PANX1: variants seen among roughly 807,000 people sequenced by gnomAD.
PANX1 encodes pannexin 1, also known as pannexin-1.
In PANX1, 30 loss-of-function variants were observed where a neutral mutation model predicts 38.7. That is an observed-to-expected ratio of 0.78 (90% confidence interval 0.58 to 1.05). The LOEUF is 1.05. Among genes scored for constraint, PANX1 ranks in the 50% least tolerant of loss-of-function variants. The pLI, the probability that PANX1 is intolerant of heterozygous loss-of-function variation, is 0.00. For missense variants in PANX1, 551 were observed against 517.2 expected (o/e 1.07, Z -0.63); for synonymous variants, 230 against 212.2 (o/e 1.08, Z -0.73).
In PANX1 at chr11:94,164,050, T is replaced by C. The variant is rs1220320378; in HGVS notation, c.321+10420T>C. Reference sequence around the variant, plus strand: ...CTCATAATAGTCTTTAGTGATCCTTTGAATTTCTGTGGTATGAATGATAAT... The same window carrying C: ...CTCATAATAGTCTTTAGTGATCCTTCGAATTTCTGTGGTATGAATGATAAT... On this transcript the variant is annotated intron_variant, in intron 2 of 4. Coordinates refer to ENST00000227638, the MANE Select transcript of PANX1 (RefSeq NM_015368.4). 6.6e-5 allele frequency among the ~76,000 whole-genome samples: 10 copies of C among 152,128 alleles called. 1 individual carries two copies. Among genetic ancestry groups the C allele is most frequent in the Admixed American group, 2.0e-4 (3 of 15,282 alleles).
At chr11:94,159,968 T>C (rs148620293) in intron 2 of PANX1, among the ~76,000 whole-genome samples, 44,582 of 151,700 alleles carry the variant, frequency 0.29, 7,147 homozygotes, top group Admixed American at 0.39. Flanking sequence ...TTTATTTCTG[T>C]CTTCATTTCG....
intron 1 of PANX1, among the ~76,000 whole-genome samples, chr11:94,145,143 C>T (rs938389235): frequency 6.6e-6 from 1 of 152,100 alleles, no homozygotes; most frequent in Non-Finnish European, 1.5e-5. Flanking sequence ...TGAAGCAAGC[C>T]AAAGAGGACT....
intron 2 of PANX1, among the ~76,000 whole-genome samples, chr11:94,165,068 T>C (rs1471672238): frequency 6.6e-6 from 1 of 152,150 alleles, no homozygotes; most frequent in Non-Finnish European, 1.5e-5. Context: ...ATGTGTCTTA[T>C]AGGTGAAGTG....
At chr11:94,174,455 T>G (rs1262857404) in intron 2 of PANX1, among the ~76,000 whole-genome samples, 1 of 151,688 alleles carries the variant, frequency 6.6e-6, no homozygotes, top group Non-Finnish European at 1.5e-5. Flanking sequence ...AGGCTTTGTT[T>G]TATTTTATTG....
chr11:94,129,534 C>G (rs764492607), intron 1 of PANX1, 41 bp downstream of exon 1: 1 of 1,554,978 alleles, frequency 6.4e-7, no homozygotes, highest in Non-Finnish European at 8.8e-7. Flanking sequence ...CCGCCCCGGT[C>G]TGGCCCGGTG....
intron 1 of PANX1, among the ~76,000 whole-genome samples, chr11:94,136,796 G>A (rs907813897): frequency 3.9e-5 from 6 of 152,062 alleles, no homozygotes; most frequent in Non-Finnish European, 5.9e-5. Flanking sequence ...TTGATACATA[G>A]AAGTATTAGG....
chr11:94,136,000 A>G (rs921476587), intron 1 of PANX1, among the ~76,000 whole-genome samples: 1 of 152,156 alleles, frequency 6.6e-6, no homozygotes, highest in African/African-American at 2.4e-5. Flanking sequence ...GCAGTCCCCT[A>G]ATGATGGACA....
At chr11:94,178,876 A>G (rs531727312) in intron 3 of PANX1, among the ~76,000 whole-genome samples, 36 of 152,126 alleles carry the variant, frequency 2.4e-4, no homozygotes, top group Non-Finnish European at 4.3e-4. Context: ...TTGTAGGGGT[A>G]ACAGATTGAG....
Position 94,155,971 on chromosome 11 carries a change from G to A in PANX1, c.321+2341G>A, listed in dbSNP as rs190918159. Among the ~76,000 whole-genome samples, 314 of 152,262 alleles carry A rather than the reference G, an allele frequency of 2.1e-3. 1 individual carries two copies. Among genetic ancestry groups the A allele is most frequent in the Non-Finnish European group, 3.1e-3 (212 of 68,028 alleles). On this transcript the variant is annotated intron_variant, in intron 2 of 4. Transcript: ENST00000227638. ...TGCTTTGTAAATCCAAATTTTTACT[G>A]TTGTAGTTTAAGTTCGTTTGTTATA...
At chr11:94,147,695 T>C (rs779122273) in intron 1 of PANX1, among the ~76,000 whole-genome samples, 21 of 152,180 alleles carry the variant, frequency 1.4e-4, no homozygotes, top group Non-Finnish European at 2.4e-4. Context: ...CCCAGCAATG[T>C]GGTCATTTGC....
At chr11:94,138,852 A>G (rs893019535) in intron 1 of PANX1, among the ~76,000 whole-genome samples, 4 of 152,222 alleles carry the variant, frequency 2.6e-5, no homozygotes, top group African/African-American at 7.2e-5. Flanking sequence ...TAAGTCATCA[A>G]AACTACCCAT....
intron 1 of PANX1, among the ~76,000 whole-genome samples, chr11:94,145,126 A>G (rs947317903): frequency 6.6e-6 from 1 of 152,212 alleles, no homozygotes; most frequent in African/African-American, 2.4e-5. Flanking sequence ...AAGTAACAAC[A>G]TGTGGATGAA....
Position 94,178,465 on chromosome 11 carries a change from A to C in PANX1, c.418A>C (p.Lys140Gln). 6.2e-7 allele frequency: 1 copy of C among 1,613,996 alleles called. No individual in the cohort carries two copies. The highest frequency in any genetic ancestry group is 1.7e-4 in the Middle Eastern group (1 of 6,060). Residue 140 changes from lysine to glutamine, a missense_variant, in exon 3 of 5, where the codon AAG (lysine) becomes CAG (glutamine). Lys to Gln is a moderately conservative substitution (Grantham distance 53, BLOSUM62 1). Transcript: ENST00000227638. Reference sequence around the variant, plus strand: ...TGCTCCTCATATTTGCTCAGACTTGAAGTTTATCATGGAAGAACTTGACAA... The same window carrying C: ...TGCTCCTCATATTTGCTCAGACTTGCAGTTTATCATGGAAGAACTTGACAA... ...AAAPHICSDLKFIMEELDKVY... is the reference protein window; with the variant it reads ...AAAPHICSDLQFIMEELDKVY...
Position 94,129,023 on chromosome 11 carries a change from C to T in PANX1, c.-290C>T. On this transcript the variant is annotated 5_prime_UTR_variant, in exon 1 of 5. Transcript: ENST00000227638. ...GCGGGAGAGGCGCGAATCCGAGTGCCGCGCGCGGCCCGGGGACTTGCACGG... is the reference window on the plus strand; with the variant it reads ...GCGGGAGAGGCGCGAATCCGAGTGCTGCGCGCGGCCCGGGGACTTGCACGG... The T allele has an allele frequency of 3.8e-6, 1 of 260,770 alleles. No individual in the cohort carries two copies. The highest frequency in any genetic ancestry group is 7.2e-6 in the Non-Finnish European group (1 of 138,466). 16.2% of individuals were successfully genotyped at this position (260,770 alleles called of 1,614,324 possible).
Position 94,180,232 on chromosome 11 carries a change from G to A in PANX1, c.1176G>A (p.Gln392=), listed in dbSNP as rs779315765. The part of the protein sequence containing the change: ...TPMSAEMREE[Q]GNQTAELQGM... ...TGTCTGCAGAGATGAGAGAGGAGCA[G>A]GGGAACCAGACGGCAGAGCTCCAAG... Residue 392 remains glutamine, a synonymous_variant, in exon 4 of 5, where the codon CAG becomes CAA. Transcript: ENST00000227638. 1 of 1,607,966 alleles carries A rather than the reference G, an allele frequency of 6.2e-7. No homozygotes were observed. The highest frequency in any genetic ancestry group is 8.5e-7 in the Non-Finnish European group (1 of 1,175,244).
intron 1 of PANX1, among the ~76,000 whole-genome samples, chr11:94,137,473 C>G (rs1369608351): frequency 6.6e-6 from 1 of 152,110 alleles, no homozygotes; most frequent in Non-Finnish European, 1.5e-5. Flanking sequence ...GCAGCGAGAG[C>G]TTGGTCCAAA....
intron 2 of PANX1, among the ~76,000 whole-genome samples, chr11:94,174,761 G>C (rs1475764254): frequency 6.6e-6 from 1 of 151,652 alleles, no homozygotes; most frequent in African/African-American, 2.4e-5. Flanking sequence ...ATGCATTTTA[G>C]GGGAGGAGTT....
chr11:94,131,938 A>G (rs926616392), intron 1 of PANX1, among the ~76,000 whole-genome samples: 2 of 152,226 alleles, frequency 1.3e-5, no homozygotes, highest in Non-Finnish European at 2.9e-5. Context: ...TTGGCCAGTG[A>G]ACTCAGGCCC....
chr11:94,130,589 G>T (rs1024848212), intron 1 of PANX1, among the ~76,000 whole-genome samples: 1 of 110,546 alleles, frequency 9.0e-6, no homozygotes, highest in African/African-American at 3.6e-5. Context: ...GAAGGTGAGA[G>T]GATGGGGCCT....
Sources: allele counts gnomAD v4.1 joint callset (sites outside exome capture counted in the v4.1 genomes callset), GRCh38; gene constraint gnomAD v4.1.1; transcripts MANE v1.5; gene names NCBI Gene and HGNC (gene_info 2026-07-23, HGNC 2026-07-21).